Variants in CCSER1 observed in about 807,000 individuals in gnomAD.
CCSER1 encodes the protein coiled-coil serine rich protein 1.
CCSER1 carries 41 observed loss-of-function variants against 82.0 expected under a neutral mutation model. That is an observed-to-expected ratio of 0.50 (90% CI 0.39 to 0.65). The LOEUF is 0.65. CCSER1 is among the 30% of genes least tolerant of loss of function. The probability of loss-of-function intolerance (pLI) is 0.00; values close to 1 mark genes in which losing one functional copy is unlikely to be tolerated. For missense variants in CCSER1, 1,119 were observed against 1,064.2 expected, an observed-to-expected ratio of 1.05 and a Z score of -0.72; for synonymous variants, 414 against 383.9, an observed-to-expected ratio of 1.08 and a Z score of -0.92.
At chr4:90,867,123 A>G (rs1209264875) in intron 8 of CCSER1, among the ~76,000 whole-genome samples, 1 of 152,010 alleles carries the variant, frequency 6.6e-6, no homozygotes, top group Non-Finnish European at 1.5e-5. Context: ...CCTTTGTAGA[A>G]TACAGTGTGC....
intron 8 of CCSER1, among the ~76,000 whole-genome samples, chr4:90,862,842 A>G (rs1765258472): frequency 6.6e-6 from 1 of 151,104 alleles, no homozygotes; most frequent in Non-Finnish European, 1.5e-5. Context: ...CTCTTTTATT[A>G]ATAAACTTTA....
At chr4:90,200,777 T>C (rs1389157246) in intron 1 of CCSER1, among the ~76,000 whole-genome samples, 1 of 152,006 alleles carries the variant, frequency 6.6e-6, no homozygotes, top group Non-Finnish European at 1.5e-5. Flanking sequence ...ATAGATTGCC[T>C]ACTAATCTAC....
intron 10 of CCSER1, among the ~76,000 whole-genome samples, chr4:91,159,040 T>A (rs897289974): frequency 5.3e-5 from 8 of 151,932 alleles, no homozygotes; most frequent in African/African-American, 7.2e-5. Flanking sequence ...ATCATATTTC[T>A]CCCCTCCTTA....
intron 10 of CCSER1, among the ~76,000 whole-genome samples, chr4:91,338,109 G>A (rs1009866722): frequency 3.3e-5 from 5 of 152,004 alleles, no homozygotes; most frequent in Admixed American, 2.0e-4. Context: ...GTAGATAATC[G>A]TATAATCCTG....
intron 9 of CCSER1, among the ~76,000 whole-genome samples, chr4:91,081,770 C>G (rs986561259): frequency 6.6e-6 from 1 of 151,906 alleles, no homozygotes; most frequent in African/African-American, 2.4e-5. Context: ...ACACCAATAA[C>G]AGACAAACAG....
intron 5 of CCSER1, among the ~76,000 whole-genome samples, chr4:90,542,411 A>G (rs1250818592): frequency 6.6e-6 from 1 of 152,112 alleles, no homozygotes; most frequent in Non-Finnish European, 1.5e-5. Context: ...AGGCTCAGAG[A>G]TGTTATTCTT....
At chr4:91,019,631 G>C (rs1410515875) in intron 9 of CCSER1, among the ~76,000 whole-genome samples, 2 of 152,054 alleles carry the variant, frequency 1.3e-5, no homozygotes, top group African/African-American at 4.8e-5. Flanking sequence ...AAGCAGATTT[G>C]TATCTGTTGC....
intron 10 of CCSER1, among the ~76,000 whole-genome samples, chr4:91,282,060 G>A (rs935039862): frequency 6.6e-6 from 1 of 151,938 alleles, no homozygotes; most frequent in Non-Finnish European, 1.5e-5. Context: ...GAATGTTTTT[G>A]TCGCAAATAT....
chr4:91,245,514 AAAACTGTTACCCTAGAATGAT>A (rs1453574205), intron 10 of CCSER1, among the ~76,000 whole-genome samples: 3 of 152,154 alleles, frequency 2.0e-5, no homozygotes, highest in Non-Finnish European at 4.4e-5. Context: ...GCTGAAGGAA[AAAACTGTTACCCTAGAATGAT>A]ACAACCAATG....
intron 7 of CCSER1, among the ~76,000 whole-genome samples, chr4:90,812,292 A>G (rs976201265): frequency 6.6e-6 from 1 of 152,116 alleles, no homozygotes; most frequent in Non-Finnish European, 1.5e-5. Flanking sequence ...ACTGACTCAA[A>G]TGTTAATCTC....
chr4:91,588,661 A>G (rs12499942), intron 10 of CCSER1, among the ~76,000 whole-genome samples: 2 of 151,664 alleles, frequency 1.3e-5, no homozygotes, highest in Admixed American at 1.3e-4. Flanking sequence ...TTGATGTTTT[A>G]AATTCTTTGA....
chr4:91,315,593 G>A (rs1217271606), intron 10 of CCSER1, among the ~76,000 whole-genome samples: 1 of 151,914 alleles, frequency 6.6e-6, no homozygotes, highest in African/African-American at 2.4e-5. Context: ...AACTGAAGTG[G>A]AGCAAGAATA....
intron 5 of CCSER1, among the ~76,000 whole-genome samples, chr4:90,544,730 G>T (rs1014879184): frequency 6.6e-6 from 1 of 151,956 alleles, no homozygotes; most frequent in African/African-American, 2.4e-5. Flanking sequence ...TAGAGTATCT[G>T]GTATGATCCA....
intron 10 of CCSER1, among the ~76,000 whole-genome samples, chr4:91,427,684 G>A (rs919129558): frequency 2.0e-5 from 3 of 151,976 alleles, no homozygotes; most frequent in Non-Finnish European, 4.4e-5. Flanking sequence ...ACTAGCTAGT[G>A]CACATTCAAG....
intron 10 of CCSER1, among the ~76,000 whole-genome samples, chr4:91,419,472 A>G (rs567980850): frequency 2.3e-4 from 35 of 152,212 alleles, no homozygotes; most frequent in Non-Finnish European, 1.8e-4. Flanking sequence ...AGTAGCATCG[A>G]CGATAACAAA....
At chr4:91,269,805 T>A (rs932874381) in intron 10 of CCSER1, among the ~76,000 whole-genome samples, 1 of 152,122 alleles carries the variant, frequency 6.6e-6, no homozygotes, top group Non-Finnish European at 1.5e-5. Context: ...CAATTAAAAC[T>A]CTACTTAAAA....
chr4:90,972,110 T>C (rs1735166489), intron 9 of CCSER1, among the ~76,000 whole-genome samples: 1 of 151,746 alleles, frequency 6.6e-6, no homozygotes, highest in South Asian at 2.1e-4. Flanking sequence ...ACCACTTCTA[T>C]TCAACATAAT....
intron 3 of CCSER1, chr4:90,325,715 C>A: frequency 4.9e-6 from 2 of 404,064 alleles, no homozygotes; most frequent in South Asian, 1.8e-5. Flanking sequence ...GAGGTTTGTA[C>A]ATTATTCATT....
rs556536658 is a variant in CCSER1, at chr4:91,172,001, T to C, written c.2217+86007T>C. ...ATATTCTGATCTTCTTTATATTCAA[T>C]AAAAAAAATCCTATTATTCAATAAC... On this transcript the variant is annotated intron_variant, in intron 10 of 10. Transcript: ENST00000509176. 2.0e-5 allele frequency among the ~76,000 whole-genome samples: 3 copies of C among 151,952 alleles called. No individual in the cohort carries two copies. The South Asian group carries it at 6.2e-4, about 32-fold the overall frequency.
Sources: allele counts gnomAD v4.1 joint callset (sites outside exome capture counted in the v4.1 genomes callset), GRCh38; gene constraint gnomAD v4.1.1; transcripts MANE v1.5; gene names NCBI Gene and HGNC (gene_info 2026-07-23, HGNC 2026-07-21).